Variants in ZBTB7C observed in about 807,000 individuals in gnomAD.
ZBTB7C encodes zinc finger and BTB domain containing 7C.
ZBTB7C carries 8 observed loss-of-function variants against 25.7 expected under a neutral mutation model. The ratio of observed to expected loss-of-function variants is 0.31; its 90% CI spans 0.18 to 0.56. ZBTB7C has a LOEUF of 0.56. Ranked by LOEUF, ZBTB7C falls within the 20% of genes least tolerant of loss-of-function variation. The probability of loss-of-function intolerance (pLI) is 0.91; values close to 1 mark genes in which losing one functional copy is unlikely to be tolerated. For synonymous variants in ZBTB7C, 394 were observed against 369.0 expected (o/e 1.07, Z -0.78); for missense variants, 824 against 855.2 (o/e 0.96, Z 0.46).
intron 1 of ZBTB7C, among the ~76,000 whole-genome samples, chr18:48,373,758 G>A (rs939444373): frequency 1.3e-5 from 2 of 152,140 alleles, no homozygotes; most frequent in Admixed American, 6.5e-5. Context: ...TCAGGAGATC[G>A]AGACCATCCT....
chr18:48,031,442 A>G (rs2035742675), intron 4 of ZBTB7C, among the ~76,000 whole-genome samples: 1 of 152,102 alleles, frequency 6.6e-6, no homozygotes, highest in Admixed American at 6.5e-5. Flanking sequence ...CCTAGGCTAC[A>G]TAGTACTCTG....
chr18:48,349,925 T>C (rs2145032749), intron 1 of ZBTB7C, among the ~76,000 whole-genome samples: 1 of 152,314 alleles, frequency 6.6e-6, no homozygotes, highest in Admixed American at 6.5e-5. Flanking sequence ...TGGCCTGTAA[T>C]GGGAATGCCA....
chr18:48,370,073 G>A, intron 1 of ZBTB7C, among the ~76,000 whole-genome samples: 1 of 152,114 alleles, frequency 6.6e-6, no homozygotes, highest in East Asian at 1.9e-4. Context: ...TGAATCAACT[G>A]GAAATGAATA....
intron 3 of ZBTB7C, among the ~76,000 whole-genome samples, chr18:48,126,140 C>T (rs558132869): frequency 1.8e-4 from 27 of 152,132 alleles, no homozygotes; most frequent in Non-Finnish European, 3.5e-4. Flanking sequence ...TCCTTTATTA[C>T]CTCTCAGGCT....
At chr18:48,219,621 T>C (rs1391085643) in intron 2 of ZBTB7C, among the ~76,000 whole-genome samples, 1 of 152,160 alleles carries the variant, frequency 6.6e-6, no homozygotes, top group Admixed American at 6.5e-5. Context: ...CCACAGAGGC[T>C]TAGAGGGCTG....
chr18:48,259,410 T>C (rs2044107994), intron 2 of ZBTB7C, among the ~76,000 whole-genome samples: 1 of 142,868 alleles, frequency 7.0e-6, no homozygotes, highest in South Asian at 2.3e-4. Context: ...CCACTGTCCT[T>C]AATGTAAAAC....
intron 3 of ZBTB7C, among the ~76,000 whole-genome samples, chr18:48,171,617 G>A (rs906081346): frequency 6.6e-6 from 1 of 152,248 alleles, no homozygotes; most frequent in Non-Finnish European, 1.5e-5. Context: ...CCAGACAGAG[G>A]GCTCTCAGCA....
At chr18:48,269,096 G>T (rs2044400019) in intron 2 of ZBTB7C, among the ~76,000 whole-genome samples, 1 of 151,962 alleles carries the variant, frequency 6.6e-6, no homozygotes, top group African/African-American at 2.4e-5. Context: ...GAGTAGCTGG[G>T]ACCACAGGCA....
upstream of ZBTB7C, among the ~76,000 whole-genome samples, chr18:48,411,029 C>G (rs115332467): frequency 6.6e-6 from 1 of 150,760 alleles, no homozygotes; most frequent in Admixed American, 6.5e-5. Flanking sequence ...GTGCCTCTTC[C>G]TAATATCACT....
Position 48,027,025 on chromosome 18 carries a change from G to A in ZBTB7C, c.*2235C>T, listed in dbSNP as rs1434069651. On this transcript the variant is annotated 3_prime_UTR_variant, in exon 5 of 5. Coordinates refer to ENST00000590800, the MANE Select transcript of ZBTB7C (RefSeq NM_001318841.2). ...CAAACTTTGTTGAGTGTCATTTTAC[G>A]TAGAGCAATCACATAAAAAAAGAGT... The A allele has an allele frequency of 6.7e-6, 1 of 150,090 alleles. No homozygotes were observed. The highest frequency in any genetic ancestry group is 1.5e-5 in the Non-Finnish European group (1 of 67,762). The allele number at this position is 150,090 out of a possible 1,614,324, so 9.3% of individuals were successfully genotyped here.
rs370208833 is a variant in ZBTB7C, at chr18:48,229,649, C to T, written c.-78-43654G>A. ...TAATGCCTTTGGCTTGGCATTGTTCCCAGAATATTTTCACTTTATCTGTCT... is the reference window on the plus strand; with the variant it reads ...TAATGCCTTTGGCTTGGCATTGTTCTCAGAATATTTTCACTTTATCTGTCT... On this transcript the variant is annotated intron_variant, in intron 2 of 4. Transcript: ENST00000590800. 2.6e-5 allele frequency among the ~76,000 whole-genome samples: 4 copies of T among 152,248 alleles called. No homozygotes were observed. In the East Asian group the frequency reaches 7.7e-4, roughly 29 times the overall value.
intron 3 of ZBTB7C, among the ~76,000 whole-genome samples, chr18:48,096,081 T>C (rs568973081): frequency 2.6e-5 from 4 of 152,388 alleles, no homozygotes; most frequent in East Asian, 3.9e-4. Context: ...CTCAGGTTCT[T>C]GGTCCTCTGA....
At chr18:48,066,763 G>A (rs2037344319) in intron 3 of ZBTB7C, among the ~76,000 whole-genome samples, 1 of 152,204 alleles carries the variant, frequency 6.6e-6, no homozygotes, top group Admixed American at 6.5e-5. Context: ...GCCATTTGGA[G>A]TGGAGGAGAA....
chr18:48,162,289 C>T, intron 3 of ZBTB7C: 1 of 446,750 alleles, frequency 2.2e-6, no homozygotes, highest in Non-Finnish European at 4.5e-6. Context: ...GATCCAGCAA[C>T]AGTGGAGGCA....
chr18:48,291,765 G>A (rs2045235897), intron 2 of ZBTB7C, among the ~76,000 whole-genome samples: 1 of 152,180 alleles, frequency 6.6e-6, no homozygotes, highest in African/African-American at 2.4e-5. Context: ...ATGGTGGCAG[G>A]GGTTGGGTGG....
chr18:48,087,199 A>G (rs996201764), intron 3 of ZBTB7C, among the ~76,000 whole-genome samples: 2 of 152,214 alleles, frequency 1.3e-5, no homozygotes, highest in Non-Finnish European at 2.9e-5. Flanking sequence ...GGAGAAGGCA[A>G]TGAGAGCATC....
At chr18:48,114,056 G>A (rs569246252) in intron 3 of ZBTB7C, among the ~76,000 whole-genome samples, 11 of 152,264 alleles carry the variant, frequency 7.2e-5, no homozygotes, top group Admixed American at 3.3e-4. Context: ...GCCCTCCACC[G>A]TGGTCATCTT....
At chr18:48,336,792 C>T (rs1308219825) in intron 2 of ZBTB7C, among the ~76,000 whole-genome samples, 6 of 152,148 alleles carry the variant, frequency 3.9e-5, no homozygotes, top group Admixed American at 3.9e-4. Context: ...TGCTCCCCAG[C>T]TTCAGCCCTG....
At chr18:48,385,778 C>T (rs1037361139) in intron 1 of ZBTB7C, among the ~76,000 whole-genome samples, 2 of 152,132 alleles carry the variant, frequency 1.3e-5, no homozygotes, top group African/African-American at 4.8e-5. Context: ...TTCAAACATG[C>T]ACAAGGCTGC....
Sources: gnomAD v4.1 joint callset for allele counts (sites outside exome capture counted in the v4.1 genomes callset) on GRCh38, gnomAD v4.1.1 for gene constraint, MANE v1.5 for transcripts, NCBI Gene and HGNC (gene_info 2026-07-23, HGNC 2026-07-21) for gene names.